SLC22A14: variants seen among roughly 807,000 people sequenced by gnomAD.
The protein encoded by SLC22A14 is organic cation transporter-like 4.
Under a neutral mutation model 53.9 loss-of-function variants are expected in SLC22A14, and 50 were observed. The observed-to-expected ratio is 0.93, with a 90% CI of 0.74 to 1.17. SLC22A14 has a LOEUF of 1.17. Ranked by LOEUF, SLC22A14 falls within the 50% of genes most tolerant of loss-of-function variation. The pLI is 0.00. For missense variants in SLC22A14, 671 were observed against 734.7 expected (o/e 0.91, Z 1.00); for synonymous variants, 312 against 303.0 (o/e 1.03, Z -0.31).
intron 1 of SLC22A14, among the ~76,000 whole-genome samples, chr3:38,289,859 T>G (rs1703873974): frequency 6.6e-6 from 1 of 152,142 alleles, no homozygotes; most frequent in Admixed American, 6.5e-5. Context: ...AGTGTGCAAT[T>G]GCAAGATTTT....
chr3:38,290,623 G>T (rs560460598), intron 1 of SLC22A14, among the ~76,000 whole-genome samples: 3 of 152,206 alleles, frequency 2.0e-5, no homozygotes, highest in Non-Finnish European at 2.9e-5. Flanking sequence ...GAAAGGTTTG[G>T]TGAAGGATTT....
chr3:38,308,946 C>T lies in SLC22A14; in HGVS notation c.776-8C>T, dbSNP rs1455237469. On this transcript the variant is annotated splice_polypyrimidine_tract_variant and splice_region_variant and intron_variant, in intron 4 of 10. Coordinates refer to ENST00000448498, the MANE Select transcript of SLC22A14 (RefSeq NM_001320033.2). ...AACCATGGTTTTGTCCTCTTGGCCT[C>T]TGCACAGCCACTGAGTGGTTAGTGG... The T allele has an allele frequency of 2.5e-6, 4 of 1,613,378 alleles. No individual in the cohort carries two copies.
At chr3:38,303,077 C>T (rs939016004) in intron 1 of SLC22A14, among the ~76,000 whole-genome samples, 1 of 151,804 alleles carries the variant, frequency 6.6e-6, no homozygotes, top group African/African-American at 2.4e-5. Context: ...CTGTATATTC[C>T]TTTTTGCATA....
At chr3:38,292,419 G>A (rs1297874478) in intron 1 of SLC22A14, among the ~76,000 whole-genome samples, 1 of 152,132 alleles carries the variant, frequency 6.6e-6, no homozygotes, top group African/African-American at 2.4e-5. Flanking sequence ...AGAGTATAAA[G>A]GTTAGGTATA....
At chr3:38,316,646 C>A in intron 10 of SLC22A14, 122 bp downstream of exon 10, 1 of 848,834 alleles carries the variant, frequency 1.2e-6, no homozygotes, top group Non-Finnish European at 1.8e-6. Context: ...GACTCGAAGG[C>A]TGCCATGTCC....
Position 38,313,805 on chromosome 3 carries a change from G to T in SLC22A14, c.1242G>T (p.Val414=), listed in dbSNP as rs1326787190. ...GCGTGAGCGTCCACTTCAGACACGT[G>T]GTCCCCAGCATCATGGAGGTGCCTG... ...ELGVSVHFRH[V]VPSIMEVPAR... Residue 414 remains valine, a synonymous_variant, in exon 8 of 11, where the codon GTG becomes GTT. Coordinates refer to ENST00000448498, the MANE Select transcript of SLC22A14 (RefSeq NM_001320033.2). 12 of 1,613,860 alleles carry T rather than the reference G, an allele frequency of 7.4e-6. No homozygotes were observed. The highest frequency in any genetic ancestry group is 1.0e-5 in the Non-Finnish European group (12 of 1,179,946).
In SLC22A14 at chr3:38,306,234, G is replaced by C; in HGVS notation, c.208G>C (p.Val70Leu). ...GEFGTFQQRL[V>L]ALTFIPSIMS... is the part of the protein sequence containing the mutation. ...GTTTGGCACATTCCAGCAGAGGCTAGTAGCCCTCACCTTTATCCCCAGCAT... is the reference window on the plus strand; with the variant it reads ...GTTTGGCACATTCCAGCAGAGGCTACTAGCCCTCACCTTTATCCCCAGCAT... The change falls in exon 2 of 11, where the codon GTA becomes CTA. Residue 70 changes from valine to leucine, a missense_variant. Val to Leu is a conservative substitution (Grantham distance 32, BLOSUM62 1). Transcript: ENST00000448498. 6.2e-7 allele frequency: 1 copy of C among 1,614,192 alleles called. No individual in the cohort carries two copies. The highest frequency in any genetic ancestry group is 8.5e-7 in the Non-Finnish European group (1 of 1,180,032).
At chr3:38,312,861 A>G in intron 5 of SLC22A14, 138 bp from the exon 6 acceptor site, 1 of 1,122,690 alleles carries the variant, frequency 8.9e-7, no homozygotes, top group Non-Finnish European at 1.3e-6. Context: ...GCTCGAGGTC[A>G]GTGGTGGCCT....
At chr3:38,315,366 C>T (rs770620434) in intron 8 of SLC22A14, among the ~76,000 whole-genome samples, 192 bp from the exon 9 acceptor site, 7 of 152,198 alleles carry the variant, frequency 4.6e-5, no homozygotes, top group Non-Finnish European at 8.8e-5. Context: ...GACCTCCCCA[C>T]CCCTGCTGAC....
intron 1 of SLC22A14, among the ~76,000 whole-genome samples, chr3:38,289,023 T>TA (rs1488621603): frequency 6.6e-6 from 1 of 151,014 alleles, no homozygotes; most frequent in Non-Finnish European, 1.5e-5. Flanking sequence ...CTACAAAAAA[T>TA]AAAAAAATTA....
intron 5 of SLC22A14, among the ~76,000 whole-genome samples, chr3:38,311,627 C>G (rs549724726): frequency 1.3e-5 from 2 of 152,138 alleles, no homozygotes; most frequent in South Asian, 4.1e-4. Context: ...ACTTCTTCTG[C>G]CAAATGTCCT....
Position 38,296,472 on chromosome 3 carries a change from A to T in SLC22A14, c.1-9555A>T, listed in dbSNP as rs531912835. Among the ~76,000 whole-genome samples, 3 of 152,358 alleles carry T rather than the reference A, an allele frequency of 2.0e-5. No individual in the cohort carries two copies. The South Asian group carries it at 6.2e-4, about 32-fold the overall frequency. On this transcript the variant is annotated intron_variant, in intron 1 of 10. Coordinates refer to ENST00000448498, the MANE Select transcript of SLC22A14 (RefSeq NM_001320033.2). Reference sequence around the variant, plus strand: ...TATTTTCCTCCAATTCTAAGGAAGGATAGGACAGAATAGCAAGCAAAAGTA... The same window carrying T: ...TATTTTCCTCCAATTCTAAGGAAGGTTAGGACAGAATAGCAAGCAAAAGTA...
At position 38,307,173 on chromosome 3, in the gene SLC22A14, A is replaced by G. The variant is rs943911692; in HGVS notation, c.517-81A>G. ...CCCCTACCCCAGGTCCCCTTGGCCT[A>G]TAGGTCCCACGCTGGGATGAGTCTC... On this transcript the variant is annotated intron_variant, in intron 2 of 10. Transcript: ENST00000448498. The surrounding 1 kb of genome is among the most constrained non-coding windows in gnomAD (Gnocchi z 4.4). 7 of 966,534 alleles carry G rather than the reference A, an allele frequency of 7.2e-6. No homozygotes were observed. The African/African-American group carries it at 1.1e-4, about 15-fold the overall frequency. The allele number at this position is 966,534 out of a possible 1,614,324, so 59.9% of individuals were successfully genotyped here. A position where few individuals can be genotyped will look rare whatever the true frequency, so the allele number is the denominator to read the frequency against.
At chr3:38,283,569 C>T (rs1703720945) in intron 1 of SLC22A14, among the ~76,000 whole-genome samples, 2 of 152,202 alleles carry the variant, frequency 1.3e-5, no homozygotes, top group South Asian at 4.1e-4. Context: ...GTGGCTCACG[C>T]CTGTAATCCC....
intron 1 of SLC22A14, among the ~76,000 whole-genome samples, chr3:38,299,217 G>A (rs1266539509): frequency 1.3e-5 from 2 of 152,156 alleles, no homozygotes; most frequent in Admixed American, 6.5e-5. Flanking sequence ...TAGGGTGTAT[G>A]TGAAACCTTA....
intron 1 of SLC22A14, among the ~76,000 whole-genome samples, chr3:38,300,035 T>C (rs1704126047): frequency 6.6e-6 from 1 of 152,202 alleles, no homozygotes; most frequent in South Asian, 2.1e-4. Flanking sequence ...ATTCCCAAAG[T>C]GGGATTGCTA....
chr3:38,307,774 T>A lies in SLC22A14; in HGVS notation c.775+54T>A. On this transcript the variant is annotated intron_variant, in intron 4 of 10. Coordinates refer to ENST00000448498, the MANE Select transcript of SLC22A14 (RefSeq NM_001320033.2). The surrounding 1 kb of genome is among the most constrained non-coding windows in gnomAD (Gnocchi z 4.4). ...AGGGTGGCACAGGGGCATGGCGGCATAGGCGGGTGACAAGGGGACATAGTG... is the reference window on the plus strand; with the variant it reads ...AGGGTGGCACAGGGGCATGGCGGCAAAGGCGGGTGACAAGGGGACATAGTG... The A allele has an allele frequency of 1.3e-6, 2 of 1,594,900 alleles. No homozygotes were observed. The highest frequency in any genetic ancestry group is 1.7e-6 in the Non-Finnish European group (2 of 1,167,190).
At chr3:38,301,244 G>A (rs1704153646) in intron 1 of SLC22A14, among the ~76,000 whole-genome samples, 1 of 152,178 alleles carries the variant, frequency 6.6e-6, no homozygotes, top group Non-Finnish European at 1.5e-5. Context: ...AGGGTGTCTG[G>A]GTTAACTCGT....
intron 1 of SLC22A14, among the ~76,000 whole-genome samples, chr3:38,295,154 A>C (rs1463052679): frequency 6.8e-6 from 1 of 146,164 alleles, no homozygotes; most frequent in Non-Finnish European, 1.5e-5. Flanking sequence ...CCTGAAGGGA[A>C]TTCCTCCTAG....
Sources: allele counts gnomAD v4.1 joint callset (sites outside exome capture counted in the v4.1 genomes callset), GRCh38; gene constraint gnomAD v4.1.1; non-coding constraint Gnocchi (gnomAD v3.1); transcripts MANE v1.5; gene names NCBI Gene and HGNC (gene_info 2026-07-23, HGNC 2026-07-21).